FAAH2: variants seen among roughly 807,000 people sequenced by gnomAD.
FAAH2 encodes fatty acid amide hydrolase 2.
In FAAH2, 60 loss-of-function variants were observed where a neutral mutation model predicts 36.9. The ratio of observed to expected loss-of-function variants is 1.63; its 90% CI spans 1.32 to 2.02. The LOEUF (loss-of-function observed/expected upper bound fraction) is 2.02, where lower values mean the gene tolerates loss of function less well. Among genes scored for constraint, FAAH2 ranks in the 30% most tolerant of loss-of-function variants. FAAH2 has a pLI of 0.00. For missense variants in FAAH2, 689 were observed against 397.5 expected (o/e 1.73, Z -6.23); for synonymous variants, 214 against 143.8 (o/e 1.49, Z -3.49).
chrX:57,229,496 T>C, the FAAH2 span: 1 of 111,404 alleles, frequency 9.0e-6, no homozygotes, highest in East Asian at 2.8e-4. Flanking sequence ...GGATTAAACA[T>C]ATTTTGAATC....
the FAAH2 span, among the ~76,000 whole-genome samples, chrX:57,124,654 T>A: frequency 2.7e-5 from 3 of 111,825 alleles, no homozygotes; most frequent in Non-Finnish European, 3.8e-5. Flanking sequence ...TGTTCTTCCA[T>A]TTGTTTGTAT....
intron 2 of FAAH2, among the ~76,000 whole-genome samples, chrX:57,308,299 T>G (rs1452718500): frequency 9.0e-6 from 1 of 111,606 alleles, no homozygotes; most frequent in African/African-American, 3.3e-5. Flanking sequence ...TATCTGTTGT[T>G]TTTTTACTTT....
At chrX:57,249,435 AT>A in the FAAH2 span, among the ~76,000 whole-genome samples, 1 of 112,012 alleles carries the variant, frequency 8.9e-6, no homozygotes, top group Non-Finnish European at 1.9e-5. Flanking sequence ...AGATTAACAA[AT>A]TTTTCCAAGG....
At chrX:57,288,334 AT>A (rs1393972572) in intron 1 of FAAH2, among the ~76,000 whole-genome samples, 1 of 61,176 alleles carries the variant, frequency 1.6e-5, no homozygotes, top group Admixed American at 1.8e-4. Context: ...TCTTAAAAAC[AT>A]TTCTTTTTTT....
Position 57,321,327 on chromosome X carries a change from G to T in FAAH2, c.413-10271G>T, listed in dbSNP as rs1261893944. ...CATCACACATTAGGGCACATTGGGGGTTCGGGATCTAGGGGAAGGATAGCA... is the reference window on the plus strand; with the variant it reads ...CATCACACATTAGGGCACATTGGGGTTTCGGGATCTAGGGGAAGGATAGCA... On this transcript the variant is annotated intron_variant, in intron 3 of 10. Transcript: ENST00000374900. Among the ~76,000 whole-genome samples, 82 of 109,266 alleles carry T rather than the reference G, an allele frequency of 7.5e-4. 2 individuals are homozygous for T. In the Admixed American group the frequency reaches 8.1e-3, roughly 11 times the overall value. The allele number at this position is 109,266 out of a possible 115,157, so 94.9% of individuals were successfully genotyped here.
the FAAH2 span, among the ~76,000 whole-genome samples, chrX:57,131,275 CG>C: frequency 9.4e-6 from 1 of 106,945 alleles, no homozygotes; most frequent in African/African-American, 3.4e-5. Context: ...TTAGTAGAGA[CG>C]GGGTTTCACC....
the FAAH2 span, among the ~76,000 whole-genome samples, chrX:57,261,023 C>T: frequency 2.7e-5 from 3 of 111,398 alleles, no homozygotes; most frequent in Non-Finnish European, 5.7e-5. Flanking sequence ...TACCATAAAA[C>T]CCAATCTTCT....
At chrX:57,314,565 C>T (rs185471455) in intron 3 of FAAH2, among the ~76,000 whole-genome samples, 3 of 111,137 alleles carry the variant, frequency 2.7e-5, no homozygotes, top group Admixed American at 1.9e-4. Flanking sequence ...AAATCAATAT[C>T]AATATCTCCC....
At chrX:57,180,422 A>C in the FAAH2 span, among the ~76,000 whole-genome samples, 1 of 111,746 alleles carries the variant, frequency 8.9e-6, no homozygotes, top group African/African-American at 3.2e-5. Flanking sequence ...ATGACTAAAG[A>C]AGTATTACCA....
intron 7 of FAAH2, among the ~76,000 whole-genome samples, chrX:57,417,254 A>G (rs1291546884): frequency 9.0e-6 from 1 of 111,447 alleles, no homozygotes; most frequent in African/African-American, 3.3e-5. Context: ...TTCTCTGTCC[A>G]GTTTTGTTCC....
At chrX:57,403,844 CT>C (rs1228876224) in intron 7 of FAAH2, among the ~76,000 whole-genome samples, 1 of 112,424 alleles carries the variant, frequency 8.9e-6, no homozygotes, top group Non-Finnish European at 1.9e-5. Flanking sequence ...TTTAAATCCC[CT>C]GTTAGGAAAT....
At chrX:57,473,255 T>A (rs774363292) in intron 10 of FAAH2, among the ~76,000 whole-genome samples, 115 of 111,831 alleles carry the variant, frequency 1.0e-3, no homozygotes, top group African/African-American at 3.2e-3. Context: ...CAATTTTTTT[T>A]AAATTTCTGC....
rs559935022 is a variant in FAAH2, at chrX:57,480,780, G to T, written c.1424-7977G>T. Among the ~76,000 whole-genome samples, 119 of 110,939 alleles carry T rather than the reference G, an allele frequency of 1.1e-3. 4 individuals carry two copies. In the South Asian group the frequency reaches 0.044, roughly 41 times the overall value. ...CTGTATTTCCTGAATTTGAATGTTG[G>T]CCTGTCTTGCTAGGTTGGGGAATTT... is the stretch of plus-strand genomic sequence containing the variant. On this transcript the variant is annotated intron_variant, in intron 10 of 10. Coordinates refer to ENST00000374900, the MANE Select transcript of FAAH2 (RefSeq NM_174912.4).
chrX:57,403,905 T>G (rs981482629), intron 7 of FAAH2, among the ~76,000 whole-genome samples: 2 of 112,827 alleles, frequency 1.8e-5, no homozygotes, highest in African/African-American at 6.4e-5. Context: ...TATCTTTCTC[T>G]AACAGAATAG....
chrX:57,332,124 C>A (rs1244743388), intron 4 of FAAH2, among the ~76,000 whole-genome samples: 2 of 112,314 alleles, frequency 1.8e-5, no homozygotes, highest in Non-Finnish European at 3.8e-5. Flanking sequence ...ATTGACAAGG[C>A]TTTTATTAAG....
intron 10 of FAAH2, among the ~76,000 whole-genome samples, chrX:57,459,795 A>G (rs1424293532): frequency 1.8e-5 from 2 of 111,919 alleles, no homozygotes; most frequent in African/African-American, 6.5e-5. Flanking sequence ...GAAAGCAACA[A>G]CATCAACATC....
chrX:57,259,499 A>G, the FAAH2 span, among the ~76,000 whole-genome samples: 3 of 112,133 alleles, frequency 2.7e-5, no homozygotes, highest in African/African-American at 9.7e-5. Context: ...AACCTGATGG[A>G]CTTTATGCTC....
At chrX:57,208,284 C>G in the FAAH2 span, among the ~76,000 whole-genome samples, 6 of 112,254 alleles carry the variant, frequency 5.3e-5, no homozygotes, top group Non-Finnish European at 1.1e-4. Flanking sequence ...AGCTGGCAAA[C>G]AAACCTGCTC....
At chrX:57,420,458 A>C (rs2055985870) in intron 7 of FAAH2, among the ~76,000 whole-genome samples, 1 of 111,499 alleles carries the variant, frequency 9.0e-6, no homozygotes, top group Non-Finnish European at 1.9e-5. Context: ...TTGGATTCCT[A>C]GGTATTTTAT....
Sources: allele counts gnomAD v4.1 joint callset (sites outside exome capture counted in the v4.1 genomes callset), GRCh38; gene constraint gnomAD v4.1.1; transcripts MANE v1.5; gene names NCBI Gene and HGNC (gene_info 2026-07-23, HGNC 2026-07-21).